Variants in OSGEPL1 observed in about 807,000 individuals in gnomAD.
OSGEPL1 encodes O-sialoglycoprotein endopeptidase like 1, also known as tRNA N6-adenosine threonylcarbamoyltransferase, mitochondrial.
A neutral mutation model predicts 37.2 loss-of-function variants in OSGEPL1; 26 were observed. The observed-to-expected ratio is 0.70, with a 90% CI of 0.51 to 0.97. The LOEUF is 0.97. Among genes scored for constraint, OSGEPL1 ranks in the 50% least tolerant of loss-of-function variants. OSGEPL1 has a pLI of 0.00. For synonymous variants in OSGEPL1, 140 were observed against 159.9 expected (o/e 0.88, Z 0.94); for missense variants, 404 against 487.0 (o/e 0.83, Z 1.60).
intron 8 of OSGEPL1, among the ~76,000 whole-genome samples, chr2:189,747,988 A>G (rs2044424093): frequency 6.6e-6 from 1 of 152,030 alleles, no homozygotes; most frequent in Non-Finnish European, 1.5e-5. Context: ...GCCTGGCTTC[A>G]CTGTGTACTT....
At chr2:189,748,198 A>ATTAT (rs1301799840) in intron 8 of OSGEPL1, among the ~76,000 whole-genome samples, 1 of 152,062 alleles carries the variant, frequency 6.6e-6, no homozygotes, top group Non-Finnish European at 1.5e-5. Flanking sequence ...TGAATGAATT[A>ATTAT]TTATTTATTT....
chr2:189,746,693 G>A lies in OSGEPL1; in HGVS notation c.*504C>T. The A allele has an allele frequency of 7.0e-7, 1 of 1,420,926 alleles. No individual in the cohort carries two copies. The allele number at this position is 1,420,926 out of a possible 1,614,324, so 88.0% of individuals were successfully genotyped here. On this transcript the variant is annotated 3_prime_UTR_variant, in exon 9 of 9. Transcript: ENST00000264151. Reference sequence around the variant, plus strand: ...AAAAATTTTTTTATTTTTAATAATGGTAATATGCAAATAACATAACTGAAT... The same window carrying A: ...AAAAATTTTTTTATTTTTAATAATGATAATATGCAAATAACATAACTGAAT...
At position 189,753,910 on chromosome 2, in the gene OSGEPL1, A is replaced by G. The variant is rs748014926; in HGVS notation, c.963+6T>C. 11 of 1,611,660 alleles carry G rather than the reference A, an allele frequency of 6.8e-6. No homozygotes were observed. Among genetic ancestry groups the G allele is most frequent in the Non-Finnish European group, 9.3e-6 (11 of 1,179,316 alleles). ...AACTATTACTATAAAATGAGATAAA[A>G]CTTACCAGTACTGCATTATTTTGAG... On this transcript the variant is annotated splice_donor_region_variant and intron_variant, in intron 5 of 8. Coordinates refer to ENST00000264151, the MANE Select transcript of OSGEPL1 (RefSeq NM_022353.3).
At position 189,752,837 on chromosome 2, in the gene OSGEPL1, C is replaced by T; in HGVS notation, c.1094+12G>A. 1 of 1,613,434 alleles carries T rather than the reference C, an allele frequency of 6.2e-7. No individual in the cohort carries two copies. The highest frequency in any genetic ancestry group is 8.5e-7 in the Non-Finnish European group (1 of 1,179,630). On this transcript the variant is annotated intron_variant, in intron 6 of 8. Coordinates refer to ENST00000264151, the MANE Select transcript of OSGEPL1 (RefSeq NM_022353.3). ...ATAGTTATGAGTGAAGCACGTATATCCTGTGGCTTACCATGCAATCATAAT... is the reference window on the plus strand; with the variant it reads ...ATAGTTATGAGTGAAGCACGTATATTCTGTGGCTTACCATGCAATCATAAT...
rs1262520739 is a variant in OSGEPL1, at chr2:189,755,291, G to C, written c.491C>G (p.Pro164Arg). The C allele has an allele frequency of 6.2e-7, 1 of 1,613,268 alleles. No homozygotes were observed. The highest frequency in any genetic ancestry group is 1.3e-5 in the African/African-American group (1 of 74,854). ...TIRLTNKVEF[P>R]FLVLLISGGH... The stretch of plus-strand genomic sequence containing the variant: ...TCCAGAAATCAAAAGAACTAAAAAA[G>C]GAAATTCTACTTTATTGGTCAACCT... The change falls in exon 3 of 9, where the codon CCT (proline) becomes CGT (arginine). Residue 164 changes from proline to arginine, a missense_variant. Pro to Arg is a moderately radical substitution (Grantham distance 103). Transcript: ENST00000264151.
chr2:189,761,383 C>A, intron 2 of OSGEPL1, 37 bp downstream of exon 2: 3 of 1,553,268 alleles, frequency 1.9e-6, no homozygotes, highest in Non-Finnish European at 2.6e-6. Flanking sequence ...TTACTTTTTC[C>A]AAAAAAGTGG....
At chr2:189,753,531 C>T (rs969317316) in intron 5 of OSGEPL1, among the ~76,000 whole-genome samples, 1 of 152,008 alleles carries the variant, frequency 6.6e-6, no homozygotes, top group Non-Finnish European at 1.5e-5. Context: ...GGTATACCAC[C>T]TCCCACTGCT....
At chr2:189,760,668 G>T (rs1017195941) in intron 2 of OSGEPL1, among the ~76,000 whole-genome samples, 4 of 150,264 alleles carry the variant, frequency 2.7e-5, no homozygotes, top group African/African-American at 9.9e-5. Flanking sequence ...GCACGTGCCT[G>T]TAATCCCAGC....
intron 2 of OSGEPL1, among the ~76,000 whole-genome samples, chr2:189,755,817 C>G (rs1023336318): frequency 1.0e-3 from 154 of 152,174 alleles, no homozygotes; most frequent in African/African-American, 3.3e-3. Flanking sequence ...ATGAAATCAC[C>G]AAAATAATCT....
chr2:189,747,338 C>CAAA (rs5837164), intron 8 of OSGEPL1, 170 bp from the exon 9 acceptor site: 2,755 of 74,676 alleles, frequency 0.037, 305 homozygotes, highest in African/African-American at 0.06. Context: ...GACCCTGTCT[C>CAAA]AAAAAAAAAA....
At chr2:189,754,769 C>T in intron 3 of OSGEPL1, 1 of 233,740 alleles carries the variant, frequency 4.3e-6, no homozygotes, top group Non-Finnish European at 8.2e-6. Flanking sequence ...GGGGGGGGAC[C>T]CTGTCTGTGG....
At chr2:189,762,890 A>C, upstream of OSGEPL1, 1 of 985,456 alleles carries the variant, frequency 1.0e-6, no homozygotes, top group Non-Finnish European at 1.2e-6. Flanking sequence ...GTCTTTGCCC[A>C]AAACGCTCTC....
intron 1 of OSGEPL1, 172 bp downstream of exon 1, chr2:189,762,513 G>A: frequency 1.2e-6 from 1 of 842,410 alleles, no homozygotes; most frequent in Non-Finnish European, 1.4e-6. Flanking sequence ...TGGACAAGGA[G>A]GATTGTACGA....
chr2:189,758,799 C>T (rs1356165375), intron 2 of OSGEPL1, among the ~76,000 whole-genome samples: 1 of 152,094 alleles, frequency 6.6e-6, no homozygotes, highest in East Asian at 1.9e-4. Flanking sequence ...CATACACAAG[C>T]AAATGTATAA....
chr2:189,752,517 G>T, intron 7 of OSGEPL1, 136 bp downstream of exon 7: 3 of 795,880 alleles, frequency 3.8e-6, no homozygotes, highest in Non-Finnish European at 6.0e-6. Context: ...CCTTAACTAG[G>T]TTCATGAAAG....
intron 7 of OSGEPL1, among the ~76,000 whole-genome samples, chr2:189,751,487 C>G (rs2439185): frequency 0.94 from 138,431 of 147,010 alleles, 65,790 homozygotes; most frequent in South Asian, 1. Context: ...CTCTGTCACC[C>G]GGGCTGGAGT....
At position 189,761,601 on chromosome 2, in the gene OSGEPL1, G is replaced by T; in HGVS notation, c.40C>A (p.Pro14Thr). 6.2e-7 allele frequency: 1 copy of T among 1,605,352 alleles called. No homozygotes were observed. The highest frequency in any genetic ancestry group is 8.5e-7 in the Non-Finnish European group (1 of 1,176,570). ...AATTCATAAACTTTCCTTTTTGATG[G>T]TTTAAAAAAAACTCCTGCAGTCTTA... ...LTKTAGVFFK[P>T]SKRKVYEFLR... Residue 14 changes from proline (P) to threonine (T), a missense_variant, in exon 2 of 9, where the codon CCA becomes ACA. By Grantham distance (38) the Pro-to-Thr change is conservative (BLOSUM62 -1). Transcript: ENST00000264151.
intron 2 of OSGEPL1, among the ~76,000 whole-genome samples, chr2:189,760,504 G>T (rs1037008869): frequency 1.3e-5 from 2 of 152,188 alleles, no homozygotes; most frequent in Non-Finnish European, 2.9e-5. Context: ...TAACAATCTG[G>T]ATTTCCAGCC....
In OSGEPL1 at chr2:189,753,966, T is replaced by C; in HGVS notation, c.913A>G (p.Ile305Val). ...CHLVKRTHRAILFCKQRDLLP... is the reference protein window; with the variant it reads ...CHLVKRTHRAVLFCKQRDLLP... ...AAGTCTCTCTGCTTACAAAACAGAA[T>C]AGCCCGATGTGTTCTTTTCACAAGA... Residue 305 changes from isoleucine to valine, a missense_variant, in exon 5 of 9, where the codon ATT becomes GTT. Ile to Val is a conservative substitution (Grantham distance 29). Coordinates refer to ENST00000264151, the MANE Select transcript of OSGEPL1 (RefSeq NM_022353.3). The C allele has an allele frequency of 6.2e-7, 1 of 1,613,794 alleles. No homozygotes were observed. Among genetic ancestry groups the C allele is most frequent in the Non-Finnish European group, 8.5e-7 (1 of 1,179,802 alleles).
Sources: gnomAD v4.1 joint callset for allele counts (sites outside exome capture counted in the v4.1 genomes callset) on GRCh38, gnomAD v4.1.1 for gene constraint, MANE v1.5 for transcripts, NCBI Gene and HGNC (gene_info 2026-07-23, HGNC 2026-07-21) for gene names.